The following BPTF variants were observed in gnomAD, a reference collection of about 807,000 sequenced individuals.
BPTF encodes the protein bromodomain PHD finger transcription factor.
Under a neutral mutation model 292.5 loss-of-function variants are expected in BPTF, and 18 were observed. The ratio of observed to expected loss-of-function variants is 0.06; its 90% CI spans 0.04 to 0.09. BPTF has a LOEUF of 0.09. Ranked by LOEUF, BPTF falls within the 10% of genes least tolerant of loss-of-function variation. BPTF has a pLI of 1.00. For synonymous variants in BPTF, 1,225 were observed against 1,251.9 expected (o/e 0.98, Z 0.45); for missense variants, 2,726 against 3,498.7 (o/e 0.78, Z 5.57).
chr17:67,846,043 G>C (rs907423989), intron 1 of BPTF, among the ~76,000 whole-genome samples: 2 of 152,084 alleles, frequency 1.3e-5, no homozygotes, highest in Non-Finnish European at 2.9e-5. Context: ...TTTTGCTACT[G>C]AAGCAAAATT....
chr17:67,954,690 A>G (rs1555680133), intron 23 of BPTF, among the ~76,000 whole-genome samples: 1 of 151,908 alleles, frequency 6.6e-6, no homozygotes, highest in Non-Finnish European at 1.5e-5. Context: ...TCTTTTTTAT[A>G]TTTTATTTTC....
At chr17:67,953,948 TTTC>T (rs1555679699) in intron 23 of BPTF, among the ~76,000 whole-genome samples, 1 of 140,764 alleles carries the variant, frequency 7.1e-6, no homozygotes, top group African/African-American at 2.6e-5. Context: ...CTTTTTTCTT[TTTC>T]TTTTCTTTTC....
intron 18 of BPTF, among the ~76,000 whole-genome samples, chr17:67,939,772 C>T (rs1241518593): frequency 2.0e-5 from 3 of 152,068 alleles, no homozygotes; most frequent in African/African-American, 4.8e-5. Flanking sequence ...CCCAGCTACT[C>T]GGGAGGCTCA....
chr17:67,883,663 G>A (rs1210211984), intron 4 of BPTF, among the ~76,000 whole-genome samples: 3 of 151,906 alleles, frequency 2.0e-5, no homozygotes, highest in East Asian at 1.9e-4. Flanking sequence ...GCAGTGGCAC[G>A]GTCTTGGCTC....
At position 67,854,313 on chromosome 17, in the gene BPTF, G is replaced by A. The variant is rs763064891; in HGVS notation, c.987G>A (p.Val329=). 6 of 1,614,212 alleles carry A rather than the reference G, an allele frequency of 3.7e-6. No individual in the cohort carries two copies. Residue 329 remains valine (V), a synonymous_variant, in exon 2 of 28, where the codon GTG becomes GTA. Coordinates refer to ENST00000306378, the MANE Select transcript of BPTF (RefSeq NM_182641.4). This position sits in a 1 kb window ranked among gnomAD's most constrained non-coding sequence, Gnocchi z 5.6. The stretch of plus-strand genomic sequence containing the variant: ...TAGATGGGATGACGTGGCCAGAGGT[G>A]CTGCGGGTGTACTGTGAGAGTGATA... ...YFIDGMTWPE[V]LRVYCESDKE... is the part of the protein sequence containing the mutation.
At chr17:67,935,048 T>C (rs1052063620) in intron 18 of BPTF, among the ~76,000 whole-genome samples, 1 of 152,110 alleles carries the variant, frequency 6.6e-6, no homozygotes, top group Admixed American at 6.6e-5. Context: ...CTCTAGGCAG[T>C]TGAAATAAAT....
At position 67,917,131 on chromosome 17, in the gene BPTF, CTT is replaced by C. The variant is rs943348736; in HGVS notation, c.5304-1565_5304-1564del. ...GATAAGTAACTAATATGGTATTGTC[CTT>C]TTTTTTTTTTTTTTTTTGAGATAGA... On this transcript the variant is annotated intron_variant, in intron 11 of 27. Transcript: ENST00000306378. Among the ~76,000 whole-genome samples the C allele has an allele frequency of 1.5e-3, 162 of 105,762 alleles. 1 individual carries two copies. The highest frequency in any genetic ancestry group is 2.9e-3 in the African/African-American group (80 of 27,634). 69.4% of individuals were successfully genotyped at this position (105,762 alleles called of 152,430 possible).
At chr17:67,901,872 C>T (rs1000670404) in intron 7 of BPTF, among the ~76,000 whole-genome samples, 1 of 152,232 alleles carries the variant, frequency 6.6e-6, no homozygotes, top group African/African-American at 2.4e-5. Context: ...CATCCCACCA[C>T]TGGAGGATAT....
intron 9 of BPTF, among the ~76,000 whole-genome samples, chr17:67,906,335 T>A (rs561389215): frequency 6.6e-6 from 1 of 152,304 alleles, no homozygotes; most frequent in East Asian, 1.9e-4. Flanking sequence ...CGCCTCGGCC[T>A]CCCAAAGTGC....
Position 67,945,578 on chromosome 17 carries a change from G to A in BPTF, c.6870G>A (p.Gln2290=). 3 of 1,611,092 alleles carry A rather than the reference G, an allele frequency of 1.9e-6. No homozygotes were observed. The African/African-American group carries it at 4.0e-5, about 22-fold the overall frequency. Reference sequence around the variant, plus strand: ...AAACCCAGCCCCAGTCCCCAGCTCAGCCTGAAGTTCAGACTCAGCCTGAAG... The same window carrying A: ...AAACCCAGCCCCAGTCCCCAGCTCAACCTGAAGTTCAGACTCAGCCTGAAG... ...QPQTQPQSPA[Q]PEVQTQPEVQ... Residue 2290 remains glutamine (Q), a synonymous_variant, in exon 21 of 28, where the codon CAG becomes CAA. Coordinates refer to ENST00000306378, the MANE Select transcript of BPTF (RefSeq NM_182641.4).
At chr17:67,837,954 T>C (rs1218157862) in intron 1 of BPTF, among the ~76,000 whole-genome samples, 3 of 152,250 alleles carry the variant, frequency 2.0e-5, no homozygotes, top group African/African-American at 4.8e-5. Flanking sequence ...TGCTTCTTAC[T>C]TAACTTGAGT....
Position 67,829,414 on chromosome 17 carries a change from G to T in BPTF, c.613+3077G>T, listed in dbSNP as rs767571645. Among the ~76,000 whole-genome samples the T allele has an allele frequency of 1.6e-3, 235 of 151,340 alleles. 1 individual carries two copies. Among genetic ancestry groups the T allele is most frequent in the Non-Finnish European group, 2.8e-3 (192 of 67,934 alleles). On this transcript the variant is annotated intron_variant, in intron 1 of 27. Coordinates refer to ENST00000306378, the MANE Select transcript of BPTF (RefSeq NM_182641.4). ...GCAGGTTTGTTGCATAGGTATACGT[G>T]TGCCATGGTGGCTTGCTGCACTTAC...
At chr17:67,979,405 G>GGTGT (rs1352878432) in intron 27 of BPTF, among the ~76,000 whole-genome samples, 3 of 151,924 alleles carry the variant, frequency 2.0e-5, no homozygotes, top group Non-Finnish European at 2.9e-5. Flanking sequence ...AAATTAGCCA[G>GGTGT]GTGTGGTTGC....
At chr17:67,963,869 A>G (rs543750666) in intron 24 of BPTF, among the ~76,000 whole-genome samples, 1 of 152,246 alleles carries the variant, frequency 6.6e-6, no homozygotes, top group East Asian at 1.9e-4. Context: ...AAGCTCTGAG[A>G]CTCTGTTATT....
intron 2 of BPTF, among the ~76,000 whole-genome samples, chr17:67,865,749 T>C (rs2059356859): frequency 6.6e-6 from 1 of 152,190 alleles, no homozygotes. Context: ...TTTAAGTTAG[T>C]GACCATCTCT....
intron 4 of BPTF, among the ~76,000 whole-genome samples, chr17:67,880,004 T>C (rs1214391886): frequency 1.3e-5 from 2 of 152,178 alleles, no homozygotes; most frequent in Non-Finnish European, 1.5e-5. Flanking sequence ...AGTGGGCTAT[T>C]CATATTTTCT....
chr17:67,962,366 C>T (rs1555684570), intron 24 of BPTF, among the ~76,000 whole-genome samples: 1 of 152,120 alleles, frequency 6.6e-6, no homozygotes, highest in Non-Finnish European at 1.5e-5. Flanking sequence ...CATGGTGTTC[C>T]TACACAGTGC....
chr17:67,857,782 C>CTT lies in BPTF; in HGVS notation c.1436+3041_1436+3042dup, dbSNP rs35999365. ...GCGTCTAGACTAACAATATTTCTTTCTTTTTTTTTTTTTTTTTTTTTTGAG... is the reference window on the plus strand; with the variant it reads ...GCGTCTAGACTAACAATATTTCTTTCTTTTTTTTTTTTTTTTTTTTTTTTGAG... On this transcript the variant is annotated intron_variant, in intron 2 of 27. Transcript: ENST00000306378. Among the ~76,000 whole-genome samples the CTT allele has an allele frequency of 1.6e-3, 170 of 103,442 alleles. 1 individual carries two copies. The highest frequency in any genetic ancestry group is 2.7e-3 in the African/African-American group (71 of 26,430). The allele number at this position is 103,442 out of a possible 152,430, so 67.9% of individuals were successfully genotyped here. A position where few individuals can be genotyped will look rare whatever the true frequency, so the allele number is the denominator to read the frequency against.
At chr17:67,869,978 C>G (rs965642386) in intron 3 of BPTF, among the ~76,000 whole-genome samples, 1 of 128,446 alleles carries the variant, frequency 7.8e-6, no homozygotes, top group Non-Finnish European at 1.5e-5. Flanking sequence ...CCAGCCTGGG[C>G]GACACAGAGC....
Sources: gnomAD v4.1 joint callset for allele counts (sites outside exome capture counted in the v4.1 genomes callset) on GRCh38, gnomAD v4.1.1 for gene constraint, Gnocchi (gnomAD v3.1) non-coding constraint, MANE v1.5 for transcripts, NCBI Gene and HGNC (gene_info 2026-07-23, HGNC 2026-07-21) for gene names.